Variants in ALG6 observed in about 807,000 individuals in gnomAD.
The protein encoded by ALG6 is dolichyl pyrophosphate Man9GlcNAc2 alpha-1,3-glucosyltransferase.
Under a neutral mutation model 66.6 loss-of-function variants are expected in ALG6, and 46 were observed. That is an observed-to-expected ratio of 0.69 (90% CI 0.55 to 0.88). ALG6 has a LOEUF of 0.88. Ranked by LOEUF, ALG6 falls within the 40% of genes least tolerant of loss-of-function variation. ALG6 has a pLI of 0.00. For synonymous variants in ALG6, 185 were observed against 203.7 expected (o/e 0.91, Z 0.78); for missense variants, 505 against 586.8 (o/e 0.86, Z 1.44).
At chr1:63,426,715 T>C (rs935519580) in intron 12 of ALG6, among the ~76,000 whole-genome samples, 2 of 151,882 alleles carry the variant, frequency 1.3e-5, no homozygotes, top group Admixed American at 1.3e-4. Context: ...GGCTAATTTG[T>C]AAATTTTTTG....
intron 8 of ALG6, 75 bp downstream of exon 8, chr1:63,411,406 A>T: frequency 7.4e-7 from 1 of 1,352,980 alleles, no homozygotes; most frequent in Non-Finnish European, 1.0e-6. Context: ...TTGCAGTAAG[A>T]TGATCTTTCA....
At chr1:63,383,470 C>T (rs550869001) in intron 2 of ALG6, among the ~76,000 whole-genome samples, 1 of 152,088 alleles carries the variant, frequency 6.6e-6, no homozygotes, top group South Asian at 2.1e-4. Context: ...GGCTGGAGTA[C>T]AGTGGTGCCA....
At position 63,437,595 on chromosome 1, in the gene ALG6, CCTT is replaced by C. The variant is rs1474650146; in HGVS notation, c.*576_*578del. Reference sequence around the variant, plus strand: ...TTAAACTGCTTGAAGTTTGAATATGCCTTATTACACATGCAAATTTGATTGTTT... The same window carrying C: ...TTAAACTGCTTGAAGTTTGAATATGCATTACACATGCAAATTTGATTGTTT... On this transcript the variant is annotated 3_prime_UTR_variant, in exon 15 of 15. Transcript: ENST00000263440. 2.0e-5 allele frequency: 3 copies of C among 152,126 alleles called. No individual in the cohort carries two copies. The highest frequency in any genetic ancestry group is 4.8e-5 in the African/African-American group (2 of 41,334). 9.4% of individuals were successfully genotyped at this position (152,126 alleles called of 1,614,324 possible).
chr1:63,383,520 A>G (rs925794842), intron 2 of ALG6, among the ~76,000 whole-genome samples: 1 of 151,992 alleles, frequency 6.6e-6, no homozygotes, highest in African/African-American at 2.4e-5. Flanking sequence ...GGCTCAAGTG[A>G]TCCTCCTACC....
intron 3 of ALG6, 112 bp from the exon 4 acceptor site, chr1:63,402,142 T>G (rs1644467796): frequency 5.3e-6 from 4 of 751,818 alleles, no homozygotes; most frequent in Non-Finnish European, 9.2e-6. Context: ...AGCTTAATAA[T>G]TAGTAAATTA....
At chr1:63,371,755 C>T (rs760870473) in intron 2 of ALG6, among the ~76,000 whole-genome samples, 2 of 152,116 alleles carry the variant, frequency 1.3e-5, no homozygotes, top group African/African-American at 2.4e-5. Flanking sequence ...CAGATGCACG[C>T]GACCATGCCC....
At chr1:63,398,673 C>T (rs1298291451) in intron 3 of ALG6, among the ~76,000 whole-genome samples, 1 of 152,032 alleles carries the variant, frequency 6.6e-6, no homozygotes, top group Non-Finnish European at 1.5e-5. Context: ...GACAGGGTTT[C>T]ACCATGTTAG....
Position 63,433,187 on chromosome 1 carries a change from C to A in ALG6, c.1327-3636C>A, listed in dbSNP as rs965369785. Among the ~76,000 whole-genome samples the A allele has an allele frequency of 4.6e-5, 7 of 152,142 alleles. No individual in the cohort carries two copies. The highest frequency in any genetic ancestry group is 4.6e-4 in the Admixed American group (7 of 15,284). On this transcript the variant is annotated intron_variant, in intron 14 of 14. Coordinates refer to ENST00000263440, the MANE Select transcript of ALG6 (RefSeq NM_013339.4). This position sits in a 1 kb window ranked among gnomAD's most constrained non-coding sequence, Gnocchi z 4.2. Reference sequence around the variant, plus strand: ...CGAACTCCTGACCTCGTGATCCACCCGCCTCAGCCTCCCAAAGTGCTGGGA... The same window carrying A: ...CGAACTCCTGACCTCGTGATCCACCAGCCTCAGCCTCCCAAAGTGCTGGGA...
At chr1:63,381,353 C>T (rs1323016972) in intron 2 of ALG6, among the ~76,000 whole-genome samples, 4 of 152,264 alleles carry the variant, frequency 2.6e-5, no homozygotes, top group Middle Eastern at 6.8e-3. Flanking sequence ...ACTAGGGAGG[C>T]TGAGGCAGGA....
At chr1:63,375,410 AT>A (rs766565038) in intron 2 of ALG6, among the ~76,000 whole-genome samples, 3,646 of 77,068 alleles carry the variant, frequency 0.047, 39 homozygotes, top group South Asian at 0.078. Context: ...CACCCCCGGC[AT>A]TTTTTTTTTT....
chr1:63,429,850 A>AGAGT (rs1553156959), intron 14 of ALG6: 1 of 144,276 alleles, frequency 6.9e-6, no homozygotes, highest in Non-Finnish European at 1.5e-5. Flanking sequence ...TCTTTCACTT[A>AGAGT]GTGTGTGTGT....
chr1:63,383,814 AC>A, intron 2 of ALG6, among the ~76,000 whole-genome samples: 1 of 152,010 alleles, frequency 6.6e-6, no homozygotes, highest in East Asian at 1.9e-4. Context: ...AATCTTCCCT[AC>A]CCCACCCACT....
intron 5 of ALG6, 147 bp downstream of exon 5, chr1:63,404,688 A>G: frequency 2.8e-6 from 2 of 706,626 alleles, no homozygotes; most frequent in South Asian, 1.7e-5. Flanking sequence ...ATTTGTATAC[A>G]TGATCCAAGA....
At chr1:63,418,711 C>G (rs1268355210) in intron 11 of ALG6, among the ~76,000 whole-genome samples, 2 of 152,066 alleles carry the variant, frequency 1.3e-5, no homozygotes, top group African/African-American at 4.8e-5. Context: ...TGGAGGGTGG[C>G]TTAGACCACT....
chr1:63,381,323 G>A (rs376151715), intron 2 of ALG6, among the ~76,000 whole-genome samples: 110 of 152,208 alleles, frequency 7.2e-4, no homozygotes, highest in Middle Eastern at 3.4e-3. Context: ...GCGTGGTGGC[G>A]GGCGCCTGTA....
At position 63,436,942 on chromosome 1, in the gene ALG6, C is replaced by T; in HGVS notation, c.1446C>T (p.Phe482=). The stretch of plus-strand genomic sequence containing the variant: ...TGTGTTTTGTATCTTGCTTGAACTT[C>T]CTGTTCTTCTTGGTATACTTTAACA... ...VLVCFVSCLN[F]LFFLVYFNII... Residue 482 remains phenylalanine, a synonymous_variant, in exon 15 of 15, where the codon TTC becomes TTT. Transcript: ENST00000263440. 1 of 1,613,766 alleles carries T rather than the reference C, an allele frequency of 6.2e-7. No individual in the cohort carries two copies. Among genetic ancestry groups the T allele is most frequent in the Non-Finnish European group, 8.5e-7 (1 of 1,179,764 alleles).
intron 3 of ALG6, among the ~76,000 whole-genome samples, chr1:63,401,413 C>T (rs916980592): frequency 2.6e-5 from 4 of 152,060 alleles, no homozygotes; most frequent in African/African-American, 9.7e-5. Flanking sequence ...CCCCTGTAAT[C>T]GCAGCACTTT....
At chr1:63,399,044 T>C (rs1644430397) in intron 3 of ALG6, among the ~76,000 whole-genome samples, 2 of 152,256 alleles carry the variant, frequency 1.3e-5, no homozygotes, top group African/African-American at 2.4e-5. Flanking sequence ...TGCAGACTTA[T>C]CAGAGGCTCA....
rs760751565 is a variant in ALG6 at position 63,402,460 on chromosome 1, A to ATTTTTT, written c.257+136_257+141dup. The ATTTTTT allele has an allele frequency of 1.1e-3, 287 of 262,724 alleles. 1 individual carries two copies. The highest frequency in any genetic ancestry group is 2.7e-3 in the Middle Eastern group (2 of 738). 16.3% of individuals were successfully genotyped at this position (262,724 alleles called of 1,614,324 possible). A position where few individuals can be genotyped will look rare whatever the true frequency, so the allele number is the denominator to read the frequency against. On this transcript the variant is annotated intron_variant, in intron 4 of 14. Coordinates refer to ENST00000263440, the MANE Select transcript of ALG6 (RefSeq NM_013339.4). ...AGAGATTGCTTGTAGCTGCTATTGT[A>ATTTTTT]TTTTTTTTTTTTTTTTTTTTTTTTG...
Sources: allele counts gnomAD v4.1 joint callset (sites outside exome capture counted in the v4.1 genomes callset), GRCh38; gene constraint gnomAD v4.1.1; non-coding constraint Gnocchi (gnomAD v3.1); transcripts MANE v1.5; gene names NCBI Gene and HGNC (gene_info 2026-07-23, HGNC 2026-07-21).